The following MYO9B variants were observed in gnomAD, a reference collection of about 807,000 sequenced individuals.
The protein encoded by MYO9B is myosin IXB.
MYO9B carries 71 observed loss-of-function variants against 229.5 expected under a neutral mutation model. That is an observed-to-expected ratio of 0.31 (90% CI 0.26 to 0.38). The LOEUF (loss-of-function observed/expected upper bound fraction) is 0.38, where lower values mean the gene tolerates loss of function less well. Ranked by LOEUF, MYO9B falls within the 10% of genes least tolerant of loss-of-function variation. The pLI is 1.00. For synonymous variants in MYO9B, 1,185 were observed against 1,235.8 expected (o/e 0.96, Z 0.86); for missense variants, 2,255 against 2,920.5 (o/e 0.77, Z 5.25).
intron 3 of MYO9B, among the ~76,000 whole-genome samples, chr19:17,146,943 A>T (rs1045732176): frequency 5.3e-5 from 8 of 152,236 alleles, no homozygotes; most frequent in Non-Finnish European, 8.8e-5. Context: ...CATATTCAAG[A>T]TACAAACAGG....
intron 2 of MYO9B, among the ~76,000 whole-genome samples, chr19:17,134,523 C>T (rs1568267293): frequency 6.7e-6 from 1 of 149,926 alleles, no homozygotes; most frequent in Non-Finnish European, 1.5e-5. Flanking sequence ...TCCCCTGTAG[C>T]TGGGATTATA....
chr19:17,164,267 C>T (rs1336024082), intron 10 of MYO9B, among the ~76,000 whole-genome samples: 1 of 152,170 alleles, frequency 6.6e-6, no homozygotes, highest in African/African-American at 2.4e-5. Flanking sequence ...ATGTTTTGAG[C>T]CACAGTTCAT....
At chr19:17,146,227 A>C (rs1174372276) in intron 3 of MYO9B, among the ~76,000 whole-genome samples, 2 of 148,996 alleles carry the variant, frequency 1.3e-5, no homozygotes, top group Non-Finnish European at 3.0e-5. Flanking sequence ...GGATTGATTC[A>C]TGGGGGAGTA....
At chr19:17,092,658 G>T (rs1344807617) in intron 1 of MYO9B, among the ~76,000 whole-genome samples, 1 of 149,636 alleles carries the variant, frequency 6.7e-6, no homozygotes, top group Non-Finnish European at 1.5e-5. Context: ...CCAGTAGGCA[G>T]AGGTTGCAGT....
rs2072306165 is a variant in MYO9B at position 17,139,086 on chromosome 19, A to C, written c.841-6311A>C. Reference sequence around the variant, plus strand: ...CAGTTACTCTGGAGGCTGAGGCAGGAGGATAGCCTGAACCTGGGAGGTGGA... The same window carrying C: ...CAGTTACTCTGGAGGCTGAGGCAGGCGGATAGCCTGAACCTGGGAGGTGGA... On this transcript the variant is annotated intron_variant, in intron 2 of 39. Transcript: ENST00000682292. 2.0e-5 allele frequency among the ~76,000 whole-genome samples: 3 copies of C among 152,184 alleles called. No individual in the cohort carries two copies. The South Asian group carries it at 6.2e-4, about 32-fold the overall frequency.
At chr19:17,186,375 C>T (rs2072919784) in intron 18 of MYO9B, among the ~76,000 whole-genome samples, 1 of 152,132 alleles carries the variant, frequency 6.6e-6, no homozygotes, top group African/African-American at 2.4e-5. Flanking sequence ...TAGAGAGACC[C>T]TTGGAGCCCC....
intron 2 of MYO9B, among the ~76,000 whole-genome samples, chr19:17,140,946 T>C (rs1258273544): frequency 6.6e-6 from 1 of 151,180 alleles, no homozygotes; most frequent in African/African-American, 2.4e-5. Flanking sequence ...CTACTAAAAA[T>C]ACCAAAAATT....
chr19:17,205,163 A>AG (rs1270100913), intron 30 of MYO9B, 100 bp from the exon 31 acceptor site: 69 of 827,372 alleles, frequency 8.3e-5, no homozygotes, highest in East Asian at 1.1e-4. Flanking sequence ...AAAAAAAAAA[A>AG]AAAGAAGGCA....
intron 7 of MYO9B, chr19:17,157,302 C>A: frequency 2.7e-6 from 1 of 371,516 alleles, no homozygotes; most frequent in East Asian, 5.4e-5. Context: ...CACCTGTAAT[C>A]CCAGTACTTT....
At chr19:17,112,230 C>G (rs1378320672) in intron 2 of MYO9B, among the ~76,000 whole-genome samples, 2 of 152,296 alleles carry the variant, frequency 1.3e-5, no homozygotes, top group Admixed American at 1.3e-4. Flanking sequence ...GAGCAGTCCT[C>G]TCCAGCAGGC....
chr19:17,130,803 C>T (rs893574892), intron 2 of MYO9B, among the ~76,000 whole-genome samples: 4 of 151,812 alleles, frequency 2.6e-5, no homozygotes, highest in Non-Finnish European at 5.9e-5. Context: ...GAATTTTTGC[C>T]TACATAGGAC....
intron 34 of MYO9B, 82 bp downstream of exon 34, chr19:17,206,866 G>C: frequency 7.5e-7 from 1 of 1,337,996 alleles, no homozygotes; most frequent in South Asian, 1.3e-5. Flanking sequence ...GAGGACCCGA[G>C]CTGGCGTTCT....
chr19:17,180,728 C>T (rs2072849608), intron 14 of MYO9B, 199 bp from the exon 15 acceptor site: 2 of 538,212 alleles, frequency 3.7e-6, no homozygotes, highest in Admixed American at 3.7e-5. Flanking sequence ...CGCTCCAGGG[C>T]TTGGGGAGGC....
intron 13 of MYO9B, among the ~76,000 whole-genome samples, chr19:17,174,693 G>A (rs1164699645): frequency 2.0e-5 from 3 of 151,824 alleles, no homozygotes; most frequent in Admixed American, 6.6e-5. Context: ...CCAACACTTC[G>A]GGAGACCGAG....
At chr19:17,108,243 C>T (rs538579878) in intron 2 of MYO9B, among the ~76,000 whole-genome samples, 1 of 152,368 alleles carries the variant, frequency 6.6e-6, no homozygotes, top group South Asian at 2.1e-4. Context: ...TTCTAAGCCG[C>T]TCGAGGGTGG....
chr19:17,123,896 T>C (rs2057990069), intron 2 of MYO9B, among the ~76,000 whole-genome samples: 1 of 152,058 alleles, frequency 6.6e-6, no homozygotes, highest in East Asian at 1.9e-4. Flanking sequence ...AAATCATTTT[T>C]CTTTTTTGAG....
At chr19:17,200,472 C>T in intron 25 of MYO9B, 46 bp downstream of exon 25, 1 of 1,537,550 alleles carries the variant, frequency 6.5e-7, no homozygotes, top group Non-Finnish European at 8.8e-7. Context: ...GCCACCAGTG[C>T]CCCTGGGGAC....
intron 2 of MYO9B, among the ~76,000 whole-genome samples, chr19:17,113,028 C>T (rs546104392): frequency 1.3e-5 from 2 of 152,238 alleles, no homozygotes; most frequent in African/African-American, 2.4e-5. Flanking sequence ...TCACCCATGT[C>T]ACGAGGAGCA....
At position 17,184,936 on chromosome 19, in the gene MYO9B, A is replaced by G; in HGVS notation, c.2445A>G (p.Leu815=). ...MTLHDRTTKS[L]LHLHKKKKPP... ...TGCACGACCGCACCACCAAGTCCCT[A>G]CTGCACCTGCACAAGAAGAAAAAGC... The change falls in exon 17 of 40, where the codon CTA becomes CTG. Residue 815 remains leucine, a synonymous_variant. Transcript: ENST00000682292. 6.2e-7 allele frequency: 1 copy of G among 1,613,954 alleles called. No individual in the cohort carries two copies. The highest frequency in any genetic ancestry group is 8.5e-7 in the Non-Finnish European group (1 of 1,179,854).
Sources: allele counts gnomAD v4.1 joint callset (sites outside exome capture counted in the v4.1 genomes callset), GRCh38; gene constraint gnomAD v4.1.1; transcripts MANE v1.5; gene names NCBI Gene and HGNC (gene_info 2026-07-23, HGNC 2026-07-21).